Variants in TNIK observed in about 807,000 individuals in gnomAD.
TNIK encodes the protein TRAF2 and NCK-interacting protein kinase.
In TNIK, 49 loss-of-function variants were observed where a neutral mutation model predicts 191.3. That is an observed-to-expected ratio of 0.26 (90% CI 0.20 to 0.32). The LOEUF is 0.32. TNIK is among the 10% of genes least tolerant of loss of function. The pLI is 1.00. For missense variants in TNIK, 1,155 were observed against 1,702.3 expected, an observed-to-expected ratio of 0.68 and a Z score of 5.66; for synonymous variants, 594 against 600.9, an observed-to-expected ratio of 0.99 and a Z score of 0.17.
chr3:171,373,567 T>C (rs1716822929), intron 1 of TNIK, among the ~76,000 whole-genome samples: 1 of 152,214 alleles, frequency 6.6e-6, no homozygotes, highest in Admixed American at 6.5e-5. Flanking sequence ...TTCTCCATAC[T>C]GATCTTTCTA....
At chr3:171,358,614 C>T (rs1335004307) in intron 2 of TNIK, among the ~76,000 whole-genome samples, 1 of 152,192 alleles carries the variant, frequency 6.6e-6, no homozygotes, top group Non-Finnish European at 1.5e-5. Context: ...ATACAAAATG[C>T]TTGCGTATTT....
intron 1 of TNIK, among the ~76,000 whole-genome samples, chr3:171,389,266 C>G (rs189514009): frequency 4.6e-5 from 7 of 151,704 alleles, no homozygotes; most frequent in African/African-American, 1.7e-4. Flanking sequence ...AATGGAAGTA[C>G]CAGAAACTGT....
chr3:171,218,699 A>G (rs938554035), intron 3 of TNIK, among the ~76,000 whole-genome samples: 2 of 130,738 alleles, frequency 1.5e-5, no homozygotes, highest in African/African-American at 3.5e-5. Flanking sequence ...TTATTTTTAC[A>G]TAAATATGCA....
chr3:171,367,467 T>TA (rs1419098634), intron 2 of TNIK, among the ~76,000 whole-genome samples: 2 of 12,226 alleles, frequency 1.6e-4, no homozygotes, highest in African/African-American at 5.4e-4. Flanking sequence ...CCCCATAGCA[T>TA]TTTTTTGGGG....
intron 1 of TNIK, among the ~76,000 whole-genome samples, chr3:171,443,135 T>C (rs1232813276): frequency 6.6e-6 from 1 of 152,118 alleles, no homozygotes; most frequent in African/African-American, 2.4e-5. Flanking sequence ...AGCTACCAAT[T>C]TAAAGAAGAC....
chr3:171,108,030 A>T (rs772781981), intron 20 of TNIK, 35 bp downstream of exon 20: 183 of 1,547,080 alleles, frequency 1.2e-4, no homozygotes, highest in Non-Finnish European at 1.6e-4. Flanking sequence ...CTGGTAAATT[A>T]AGAGTTCAAA....
chr3:171,440,751 T>C lies in TNIK; in HGVS notation c.57+19256A>G, dbSNP rs578156836. ...GGAGGGAGACAACCAAATAATTTGT[T>C]AACAAATGAACAAATGGCACATTAT... On this transcript the variant is annotated intron_variant, in intron 1 of 32. Transcript: ENST00000436636. 1.3e-4 allele frequency among the ~76,000 whole-genome samples: 20 copies of C among 152,242 alleles called. No individual in the cohort carries two copies. The South Asian group carries it at 4.2e-3, about 32-fold the overall frequency.
chr3:171,250,662 T>A (rs1192285223), intron 2 of TNIK, among the ~76,000 whole-genome samples: 1 of 152,214 alleles, frequency 6.6e-6, no homozygotes, highest in Non-Finnish European at 1.5e-5. Flanking sequence ...TGTCACTCAC[T>A]GGCTGTGTGA....
At chr3:171,129,848 G>A (rs538520490) in intron 15 of TNIK, among the ~76,000 whole-genome samples, 20 of 152,288 alleles carry the variant, frequency 1.3e-4, no homozygotes, top group Non-Finnish European at 2.8e-4. Flanking sequence ...TAAACAAGGT[G>A]CGCACTCTAA....
chr3:171,374,965 C>T (rs1165858949), intron 1 of TNIK, among the ~76,000 whole-genome samples: 1 of 152,180 alleles, frequency 6.6e-6, no homozygotes, highest in South Asian at 2.1e-4. Context: ...AGCGGCAGAG[C>T]CAGGATGTTG....
At chr3:171,254,823 T>G (rs1012017924) in intron 2 of TNIK, among the ~76,000 whole-genome samples, 1 of 152,220 alleles carries the variant, frequency 6.6e-6, no homozygotes. Flanking sequence ...AGAAGTGATA[T>G]GCAAAATATA....
At chr3:171,418,311 A>C (rs1210867730) in intron 1 of TNIK, among the ~76,000 whole-genome samples, 3 of 152,198 alleles carry the variant, frequency 2.0e-5, no homozygotes, top group Admixed American at 6.5e-5. Flanking sequence ...CTTAGAGACT[A>C]AAACGTGGGC....
intron 2 of TNIK, among the ~76,000 whole-genome samples, chr3:171,360,849 T>C (rs1451600459): frequency 6.6e-6 from 1 of 152,232 alleles, no homozygotes; most frequent in African/African-American, 2.4e-5. Context: ...CTCTGTATAC[T>C]CTTGCTGTGG....
intron 20 of TNIK, 70 bp downstream of exon 20, chr3:171,107,995 C>T: frequency 1.3e-6 from 2 of 1,488,598 alleles, no homozygotes; most frequent in Non-Finnish European, 9.1e-7. Flanking sequence ...GAGTGTATCC[C>T]CAACTACTTA....
rs115671291 is a variant in TNIK at position 171,081,590 on chromosome 3, C to T, written c.3313+661G>A. Among the ~76,000 whole-genome samples the T allele has an allele frequency of 2.0e-3, 303 of 148,550 alleles. 1 individual carries two copies. Among genetic ancestry groups the T allele is most frequent in the African/African-American group, 7.3e-3 (292 of 40,086 alleles). On this transcript the variant is annotated intron_variant, in intron 27 of 32. Transcript: ENST00000436636. ...GAGAGGGGAAGTGACGGGTGTTACT[C>T]GTTAAACTCCTTCAAATACCAAAAA...
At chr3:171,165,386 A>G (rs911548091) in intron 10 of TNIK, among the ~76,000 whole-genome samples, 1 of 148,270 alleles carries the variant, frequency 6.7e-6, no homozygotes, top group African/African-American at 2.5e-5. Context: ...GTTTGAGACC[A>G]GCCTGAGCAA....
chr3:171,074,286 T>C (rs1430769145), intron 28 of TNIK, among the ~76,000 whole-genome samples: 2 of 152,166 alleles, frequency 1.3e-5, no homozygotes, highest in Non-Finnish European at 2.9e-5. Flanking sequence ...ACACATGTTC[T>C]CACTTATAAG....
intron 14 of TNIK, 26 bp downstream of exon 14, chr3:171,139,444 C>T (rs1730504194): frequency 6.2e-7 from 1 of 1,606,402 alleles, no homozygotes; most frequent in African/African-American, 1.3e-5. Context: ...CAGAGCAGGT[C>T]AGCTGGTTCT....
intron 2 of TNIK, among the ~76,000 whole-genome samples, chr3:171,300,066 A>T (rs1312189722): frequency 6.6e-6 from 1 of 152,270 alleles, no homozygotes; most frequent in Admixed American, 6.5e-5. Context: ...GAATTGTGTG[A>T]GAAAGAAGTC....
Sources: allele counts gnomAD v4.1 joint callset (sites outside exome capture counted in the v4.1 genomes callset), GRCh38; gene constraint gnomAD v4.1.1; transcripts MANE v1.5; gene names NCBI Gene and HGNC (gene_info 2026-07-23, HGNC 2026-07-21).